Variants in DLGAP2 observed in about 807,000 individuals in gnomAD.
DLGAP2 encodes disks large-associated protein 2.
In DLGAP2, 26 loss-of-function variants were observed where a neutral mutation model predicts 100.3. The observed-to-expected ratio is 0.26, with a 90% CI of 0.19 to 0.36. The LOEUF (loss-of-function observed/expected upper bound fraction) is 0.36. Among genes scored for constraint, DLGAP2 ranks in the 10% least tolerant of loss-of-function variants. DLGAP2 has a pLI of 1.00. For missense variants in DLGAP2, 1,858 were observed against 1,453.2 expected (o/e 1.28, Z -4.53); for synonymous variants, 886 against 630.1 (o/e 1.41, Z -6.08).
At chr8:826,464 C>T (rs1299379912) in intron 1 of DLGAP2, among the ~76,000 whole-genome samples, 2 of 152,154 alleles carry the variant, frequency 1.3e-5, no homozygotes, top group African/African-American at 4.8e-5. Context: ...TTTTGAAGGT[C>T]AAAGCTGAGG....
At chr8:1,453,528 A>C (rs1336422916) in intron 3 of DLGAP2, among the ~76,000 whole-genome samples, 1 of 152,104 alleles carries the variant, frequency 6.6e-6, no homozygotes, top group African/African-American at 2.4e-5. Flanking sequence ...TGAGTGAAAC[A>C]CCCAGAATTT....
At position 1,122,760 on chromosome 8, in the gene DLGAP2, C is replaced by CT. The variant is rs1012106072; in HGVS notation, c.74-136081dup. Among the ~76,000 whole-genome samples the CT allele has an allele frequency of 2.1e-3, 311 of 148,910 alleles. 1 individual carries two copies. Among genetic ancestry groups the CT allele is most frequent in the African/African-American group, 5.7e-3 (234 of 40,724 alleles). On this transcript the variant is annotated intron_variant, in intron 2 of 14. Transcript: ENST00000637795. Reference sequence around the variant, plus strand: ...CCTCCCTCCCTTCATCTTCTTTTTTCTTTTTTTTTTCTTTTCTGGAAGCTG... The same window carrying CT: ...CCTCCCTCCCTTCATCTTCTTTTTTCTTTTTTTTTTTCTTTTCTGGAAGCTG...
intron 1 of DLGAP2, among the ~76,000 whole-genome samples, chr8:841,495 C>G (rs899394194): frequency 6.6e-6 from 1 of 152,156 alleles, no homozygotes; most frequent in Non-Finnish European, 1.5e-5. Flanking sequence ...TTCAAGAACA[C>G]GACCCGGTTA....
intron 4 of DLGAP2, among the ~76,000 whole-genome samples, chr8:1,512,879 C>A (rs1200766507): frequency 6.6e-6 from 1 of 152,248 alleles, no homozygotes. Flanking sequence ...AAAGTGAGGC[C>A]CCGGGTCATG....
At chr8:1,656,249 G>A (rs531302514) in intron 8 of DLGAP2, among the ~76,000 whole-genome samples, 43 of 152,140 alleles carry the variant, frequency 2.8e-4, no homozygotes, top group African/African-American at 9.6e-4. Context: ...GGCGGAGATT[G>A]CAGTGAGCTG....
intron 3 of DLGAP2, among the ~76,000 whole-genome samples, chr8:1,313,173 A>G (rs951556392): frequency 6.6e-6 from 1 of 152,244 alleles, no homozygotes; most frequent in African/African-American, 2.4e-5. Flanking sequence ...ACATCACTGT[A>G]AAACAAAACA....
chr8:1,515,242 C>T (rs890681120), intron 4 of DLGAP2, among the ~76,000 whole-genome samples: 2 of 152,164 alleles, frequency 1.3e-5, no homozygotes, highest in African/African-American at 4.8e-5. Context: ...GTTTCAGGGC[C>T]AAGGTGTCTT....
intron 3 of DLGAP2, among the ~76,000 whole-genome samples, chr8:1,488,339 C>T (rs1373475228): frequency 2.0e-5 from 3 of 152,192 alleles, no homozygotes; most frequent in Non-Finnish European, 2.9e-5. Context: ...CACTGGAATC[C>T]ACTCGTACTC....
intron 3 of DLGAP2, among the ~76,000 whole-genome samples, chr8:1,272,919 A>G (rs1170476548): frequency 6.6e-6 from 1 of 152,150 alleles, no homozygotes; most frequent in Non-Finnish European, 1.5e-5. Flanking sequence ...ATGACCACGT[A>G]AAAGGTGAAA....
chr8:1,160,493 A>AT (rs1411893661), intron 2 of DLGAP2, among the ~76,000 whole-genome samples: 13 of 152,028 alleles, frequency 8.6e-5, no homozygotes, highest in Admixed American at 5.2e-4. Flanking sequence ...TTTTGTGGTC[A>AT]TTTTTTCGAC....
intron 3 of DLGAP2, among the ~76,000 whole-genome samples, chr8:1,449,889 G>A (rs1291783832): frequency 1.7e-5 from 2 of 116,218 alleles, no homozygotes; most frequent in African/African-American, 5.9e-5. Flanking sequence ...GGTGGCTGAG[G>A]CGGAGCTGTG....
chr8:1,645,706 C>T (rs947691168), intron 8 of DLGAP2, among the ~76,000 whole-genome samples: 2 of 152,126 alleles, frequency 1.3e-5, no homozygotes, highest in African/African-American at 4.8e-5. Flanking sequence ...AATTTATTTG[C>T]TACTTTTATA....
intron 2 of DLGAP2, among the ~76,000 whole-genome samples, chr8:1,167,761 G>C (rs984219387): frequency 6.6e-6 from 1 of 152,158 alleles, no homozygotes; most frequent in African/African-American, 2.4e-5. Context: ...AACATTTGTT[G>C]AACGTCTACA....
At chr8:1,321,864 A>T (rs982945515) in intron 3 of DLGAP2, among the ~76,000 whole-genome samples, 1 of 152,204 alleles carries the variant, frequency 6.6e-6, no homozygotes, top group Non-Finnish European at 1.5e-5. Flanking sequence ...TTTGTTTCCA[A>T]TTAGTGGAAT....
chr8:1,200,262 A>C (rs1299670031), intron 2 of DLGAP2, among the ~76,000 whole-genome samples: 1 of 152,104 alleles, frequency 6.6e-6, no homozygotes, highest in Non-Finnish European at 1.5e-5. Flanking sequence ...TTCCCCATCG[A>C]GGCTTCATGC....
At chr8:1,677,598 G>A (rs1798840830) in intron 11 of DLGAP2, among the ~76,000 whole-genome samples, 1 of 152,166 alleles carries the variant, frequency 6.6e-6, no homozygotes. Context: ...TTCTCACCCA[G>A]CATACTGGTC....
At chr8:1,412,820 T>C (rs957274917) in intron 3 of DLGAP2, among the ~76,000 whole-genome samples, 62 of 152,342 alleles carry the variant, frequency 4.1e-4, no homozygotes, top group African/African-American at 1.4e-3. Context: ...CCCCAGCAGA[T>C]GGCCTGTGTC....
rs548218439 is a variant in DLGAP2 at position 1,530,026 on chromosome 8, G to A, written c.173-18600G>A. Among the ~76,000 whole-genome samples the A allele has an allele frequency of 2.6e-5, 4 of 152,332 alleles. No homozygotes were observed. In the South Asian group the frequency reaches 8.3e-4, roughly 32 times the overall value. On this transcript the variant is annotated intron_variant, in intron 4 of 14. Transcript: ENST00000637795. Reference sequence around the variant, plus strand: ...GGTGAGATCACAGGACCACAGGACGGGAGCGAAATTAAAATTGCTAATGAA... The same window carrying A: ...GGTGAGATCACAGGACCACAGGACGAGAGCGAAATTAAAATTGCTAATGAA...
At chr8:1,578,849 C>T (rs1239666942) in intron 6 of DLGAP2, among the ~76,000 whole-genome samples, 1 of 152,164 alleles carries the variant, frequency 6.6e-6, no homozygotes, top group Admixed American at 6.5e-5. Flanking sequence ...GCCTTGTGTC[C>T]CCGATCGGGA....
Sources: gnomAD v4.1 joint callset for allele counts (sites outside exome capture counted in the v4.1 genomes callset) on GRCh38, gnomAD v4.1.1 for gene constraint, MANE v1.5 for transcripts, NCBI Gene and HGNC (gene_info 2026-07-23, HGNC 2026-07-21) for gene names.